The following SCAPER variants were observed in gnomAD, a reference collection of about 807,000 sequenced individuals.
The protein encoded by SCAPER is S phase cyclin A-associated protein in the endoplasmic reticulum.
SCAPER carries 98 observed loss-of-function variants against 182.2 expected under a neutral mutation model. The observed-to-expected ratio is 0.54, with a 90% confidence interval of 0.46 to 0.64. SCAPER has a LOEUF of 0.64. SCAPER is among the 30% of genes least tolerant of loss of function. SCAPER has a pLI of 0.00. For synonymous variants in SCAPER, 605 were observed against 564.6 expected (o/e 1.07, Z -1.01); for missense variants, 1,432 against 1,690.0 (o/e 0.85, Z 2.68).
At chr15:76,514,579 A>C (rs2042280901) in intron 23 of SCAPER, among the ~76,000 whole-genome samples, 1 of 152,222 alleles carries the variant, frequency 6.6e-6, no homozygotes, top group African/African-American at 2.4e-5. Flanking sequence ...GAAGGCCTTC[A>C]AAGCTTTTTA....
At chr15:76,609,656 T>A (rs1464600233) in intron 22 of SCAPER, among the ~76,000 whole-genome samples, 1 of 152,238 alleles carries the variant, frequency 6.6e-6, no homozygotes, top group East Asian at 1.9e-4. Flanking sequence ...CTGATGCTAG[T>A]TCAGTCTCCT....
chr15:76,370,308 T>TTG (rs1326556713), intron 29 of SCAPER, among the ~76,000 whole-genome samples: 16 of 139,048 alleles, frequency 1.2e-4, no homozygotes, highest in African/African-American at 4.3e-4. Flanking sequence ...TTTTTTTTTT[T>TTG]TTTTTTTTGT....
At chr15:76,550,143 C>A (rs1274545004) in intron 23 of SCAPER, among the ~76,000 whole-genome samples, 2 of 152,092 alleles carry the variant, frequency 1.3e-5, no homozygotes, top group Non-Finnish European at 2.9e-5. Context: ...ACCCAAATAA[C>A]CCAATTTAAA....
intron 21 of SCAPER, among the ~76,000 whole-genome samples, chr15:76,662,178 T>G (rs1285020313): frequency 6.6e-6 from 1 of 152,032 alleles, no homozygotes; most frequent in Non-Finnish European, 1.5e-5. Flanking sequence ...CAGGGGTCTG[T>G]CAGGGGTCGA....
intron 26 of SCAPER, among the ~76,000 whole-genome samples, chr15:76,423,167 A>G (rs1005873116): frequency 5.3e-5 from 8 of 152,074 alleles, no homozygotes; most frequent in Non-Finnish European, 1.5e-5. Flanking sequence ...CTCTTTTTGT[A>G]TTGATTGGAA....
At chr15:76,811,561 C>T (rs2066624199) in intron 5 of SCAPER, among the ~76,000 whole-genome samples, 1 of 152,160 alleles carries the variant, frequency 6.6e-6, no homozygotes, top group Admixed American at 6.5e-5. Flanking sequence ...GAGGCCAAGG[C>T]TGGTGGATCA....
chr15:76,483,604 GA>G (rs1486166699), intron 24 of SCAPER, among the ~76,000 whole-genome samples: 1 of 152,046 alleles, frequency 6.6e-6, no homozygotes, highest in Admixed American at 6.6e-5. Flanking sequence ...ACACATATCT[GA>G]TAAAGTATTT....
At chr15:76,855,404 A>G (rs978755532) in intron 4 of SCAPER, among the ~76,000 whole-genome samples, 2 of 152,018 alleles carry the variant, frequency 1.3e-5, no homozygotes, top group East Asian at 1.9e-4. Flanking sequence ...CAATTGACAC[A>G]AAAGCAAAAT....
chr15:76,901,592 T>C (rs2074788311), intron 1 of SCAPER, among the ~76,000 whole-genome samples: 1 of 152,260 alleles, frequency 6.6e-6, no homozygotes, highest in Admixed American at 6.5e-5. Context: ...CATACTATTC[T>C]CTTTTGCGTA....
At chr15:76,735,352 A>T (rs946742619) in intron 15 of SCAPER, among the ~76,000 whole-genome samples, 5 of 152,128 alleles carry the variant, frequency 3.3e-5, no homozygotes, top group Non-Finnish European at 7.4e-5. Flanking sequence ...CAGTTTGGGC[A>T]ACAGAGTGAG....
At chr15:76,672,064 G>C (rs919115042) in intron 20 of SCAPER, among the ~76,000 whole-genome samples, 4 of 152,082 alleles carry the variant, frequency 2.6e-5, no homozygotes, top group African/African-American at 7.2e-5. Flanking sequence ...GAGCCACCAG[G>C]GATCCCTTCC....
At chr15:76,621,694 G>A in intron 22 of SCAPER, 70 bp downstream of exon 22, 2 of 1,211,820 alleles carry the variant, frequency 1.7e-6, no homozygotes, top group South Asian at 2.7e-5. Context: ...GACATAACAT[G>A]ATGGTTGAGA....
intron 20 of SCAPER, among the ~76,000 whole-genome samples, chr15:76,698,182 A>C (rs2058749782): frequency 6.6e-6 from 1 of 152,030 alleles, no homozygotes; most frequent in African/African-American, 2.4e-5. Flanking sequence ...GAGGCAAACT[A>C]GATTATTAGT....
chr15:76,659,745 A>G (rs1396882158), intron 21 of SCAPER, among the ~76,000 whole-genome samples: 1 of 151,276 alleles, frequency 6.6e-6, no homozygotes, highest in East Asian at 1.9e-4. Context: ...GAGGCTGTGG[A>G]AAACAGGGAA....
intron 14 of SCAPER, among the ~76,000 whole-genome samples, chr15:76,763,748 C>T (rs2062939976): frequency 6.6e-6 from 1 of 152,122 alleles, no homozygotes; most frequent in South Asian, 2.1e-4. Flanking sequence ...GTTGCTGAAG[C>T]TCTCTACTGC....
At chr15:76,795,923 C>T (rs1006880032) in intron 7 of SCAPER, among the ~76,000 whole-genome samples, 8 of 151,922 alleles carry the variant, frequency 5.3e-5, no homozygotes, top group Admixed American at 2.6e-4. Flanking sequence ...TAGCTGGGCG[C>T]GGTGGTGTGC....
At chr15:76,410,412 G>A (rs1196717235) in intron 26 of SCAPER, among the ~76,000 whole-genome samples, 1 of 152,160 alleles carries the variant, frequency 6.6e-6, no homozygotes, top group African/African-American at 2.4e-5. Flanking sequence ...TATAATAGAG[G>A]TATGTTCAAA....
intron 27 of SCAPER, among the ~76,000 whole-genome samples, chr15:76,402,234 T>C (rs191823849): frequency 2.0e-5 from 3 of 152,146 alleles, no homozygotes; most frequent in African/African-American, 7.2e-5. Context: ...TACTGAACAT[T>C]AGGGAAGTGG....
chr15:76,769,551 C>A (rs1203951060), intron 10 of SCAPER, among the ~76,000 whole-genome samples: 1 of 151,534 alleles, frequency 6.6e-6, no homozygotes, highest in Non-Finnish European at 1.5e-5. Flanking sequence ...GTGCAGCCAA[C>A]AGACACATGA....
Sources: gnomAD v4.1 joint callset for allele counts (sites outside exome capture counted in the v4.1 genomes callset) on GRCh38, gnomAD v4.1.1 for gene constraint, MANE v1.5 for transcripts, NCBI Gene and HGNC (gene_info 2026-07-23, HGNC 2026-07-21) for gene names.